The following RBM44 variants were observed in gnomAD, a reference collection of about 807,000 sequenced individuals.
RBM44 encodes the protein RNA-binding protein 44.
RBM44 carries 66 observed loss-of-function variants against 105.1 expected under a neutral mutation model. The observed-to-expected ratio is 0.63, with a 90% CI of 0.52 to 0.77. The LOEUF is 0.77. Among genes scored for constraint, RBM44 ranks in the 30% least tolerant of loss-of-function variants. RBM44 has a pLI of 0.00. For missense variants in RBM44, 1,122 were observed against 1,207.8 expected, an observed-to-expected ratio of 0.93 and a Z score of 1.05; for synonymous variants, 365 against 417.6, an observed-to-expected ratio of 0.87 and a Z score of 1.54.
intron 7 of RBM44, 145 bp downstream of exon 7, chr2:237,821,513 A>G: frequency 1.3e-6 from 1 of 761,146 alleles, no homozygotes; most frequent in Non-Finnish European, 2.1e-6. Flanking sequence ...GACATTTAAT[A>G]TTGTACAAAT....
chr2:237,829,400 C>G lies in RBM44; in HGVS notation c.2784C>G (p.Thr928=). ...GTTCGAATAATTTAGAGAAAAGCAC[C>G]AACAAACAAATCCACTCAGAATTCT... ...RISSNNLEKS[T]NKQIHSEFSI... The change falls in exon 13 of 16, where the codon ACC becomes ACG. Residue 928 remains threonine (T), a synonymous_variant. Transcript: ENST00000316997. 2 of 1,613,446 alleles carry G rather than the reference C, an allele frequency of 1.2e-6. No homozygotes were observed. The highest frequency in any genetic ancestry group is 1.7e-6 in the Non-Finnish European group (2 of 1,179,550).
intron 1 of RBM44, 121 bp from the exon 2 acceptor site, chr2:237,813,471 A>T: frequency 1.8e-6 from 1 of 553,974 alleles, no homozygotes; most frequent in Non-Finnish European, 3.2e-6. Flanking sequence ...GACCTAATGC[A>T]TTGGTTTTTT....
chr2:237,824,359 G>A lies in RBM44; in HGVS notation c.2389G>A (p.Val797Ile), dbSNP rs375369748. 2.3e-5 allele frequency: 37 copies of A among 1,612,478 alleles called. No homozygotes were observed. In the Admixed American group the frequency reaches 3.2e-4, roughly 14 times the overall value. ...DAKESLTGVD[V>I]SGTQGNQVEQ... is the part of the protein sequence containing the mutation. ...TAAAGAGAGCCTGACAGGAGTTGAC[G>A]TCTCAGGGACACAGGGAAATCAAGT... Residue 797 changes from valine (V) to isoleucine (I), a missense_variant, in exon 10 of 16, where the codon GTC becomes ATC. Physicochemically the swap from Val to Ile is conservative, Grantham distance 29. Coordinates refer to ENST00000316997, the MANE Select transcript of RBM44 (RefSeq NM_001080504.3).
At chr2:237,836,722 G>A (rs1268227907) in intron 15 of RBM44, among the ~76,000 whole-genome samples, 1 of 150,836 alleles carries the variant, frequency 6.6e-6, no homozygotes, top group African/African-American at 2.4e-5. Flanking sequence ...AGAGGTTGCA[G>A]TGAGCTGAGA....
chr2:237,829,205 C>G lies in RBM44; in HGVS notation c.2601-12C>G, dbSNP rs201922157. 3.0e-4 allele frequency: 479 copies of G among 1,588,452 alleles called. 2 individuals carry two copies. In the African/African-American group the frequency reaches 5.7e-3, roughly 19 times the overall value. On this transcript the variant is annotated splice_polypyrimidine_tract_variant and intron_variant, in intron 12 of 15. Coordinates refer to ENST00000316997, the MANE Select transcript of RBM44 (RefSeq NM_001080504.3). ...ATTAACAACCTTTTGGTTTTCTGCT[C>G]TTATGTTTTAGATATGCATCTCTTG... is the stretch of plus-strand genomic sequence containing the variant.
At chr2:237,815,131 C>G (rs547817333) in intron 2 of RBM44, among the ~76,000 whole-genome samples, 2 of 152,150 alleles carry the variant, frequency 1.3e-5, no homozygotes, top group Admixed American at 1.3e-4. Flanking sequence ...GGCAACATAG[C>G]AAGACCCTGT....
At chr2:237,822,280 AT>A (rs1167322268) in intron 8 of RBM44, among the ~76,000 whole-genome samples, 2 of 152,090 alleles carry the variant, frequency 1.3e-5, no homozygotes, top group Non-Finnish European at 2.9e-5. Context: ...GATGAAAATC[AT>A]TTTTAAATGC....
chr2:237,800,480 G>A (rs1318018702), intron 1 of RBM44, among the ~76,000 whole-genome samples: 1 of 152,186 alleles, frequency 6.6e-6, no homozygotes, highest in Non-Finnish European at 1.5e-5. Flanking sequence ...GCAGCACACT[G>A]CAGATTTCAT....
intron 1 of RBM44, among the ~76,000 whole-genome samples, chr2:237,801,114 T>A (rs2061541680): frequency 6.6e-6 from 1 of 152,012 alleles, no homozygotes; most frequent in Non-Finnish European, 1.5e-5. Flanking sequence ...GGTAGGTGGA[T>A]CCCTTGGGCT....
chr2:237,811,284 T>TC (rs1329827510), intron 1 of RBM44, among the ~76,000 whole-genome samples: 1 of 152,122 alleles, frequency 6.6e-6, no homozygotes, highest in African/African-American at 2.4e-5. Flanking sequence ...TTCTTTTTTT[T>TC]CCCCTTAATA....
chr2:237,813,687 G>GGGTCTAGTCCACTTACCCTTATTCTT lies in RBM44; in HGVS notation c.73+9_73+34dup, dbSNP rs779872397. On this transcript the variant is annotated splice_donor_region_variant and intron_variant, in intron 2 of 15. Coordinates refer to ENST00000316997, the MANE Select transcript of RBM44 (RefSeq NM_001080504.3). ...ATGGAGGCAACCTCCAAAAAGGTAA[G>GGGTCTAGTCCACTTACCCTTATTCTT]GGTCTAGTCCACTTACCCTTATTCT... 1 of 1,588,180 alleles carries GGGTCTAGTCCACTTACCCTTATTCTT rather than the reference G, an allele frequency of 6.3e-7. No individual in the cohort carries two copies. Among genetic ancestry groups the GGGTCTAGTCCACTTACCCTTATTCTT allele is most frequent in the Admixed American group, 1.7e-5 (1 of 59,936 alleles).
At position 237,838,093 on chromosome 2, in the gene RBM44, T is replaced by C. The variant is rs144883825; in HGVS notation, c.*22+3670T>C. ...TTCATTGTTGTCTTATTTTAAGAAG[T>C]TGCCACAGCCACTCCAGCCTTCAGC... On this transcript the variant is annotated intron_variant, in intron 15 of 15. Transcript: ENST00000316997. Among the ~76,000 whole-genome samples the C allele has an allele frequency of 5.9e-5, 9 of 152,294 alleles. No individual in the cohort carries two copies. In the East Asian group the frequency reaches 1.5e-3, roughly 26 times the overall value.
Position 237,821,751 on chromosome 2 carries a change from A to G in RBM44, c.2129A>G (p.Glu710Gly). Residue 710 changes from glutamate to glycine, a missense_variant, in exon 8 of 16, where the codon GAA becomes GGA. Transcript: ENST00000316997. The part of the protein sequence containing the change: ...LMKKETHVFS[E>G]ADAEQDNQRA... ...TGAAATGTTCTTTTTAGCTTTTCAG[A>G]AGCAGATGCTGAACAAGATAATCAG... 1.9e-6 allele frequency: 3 copies of G among 1,608,420 alleles called. No individual in the cohort carries two copies. The highest frequency in any genetic ancestry group is 2.6e-6 in the Non-Finnish European group (3 of 1,175,936).
At chr2:237,810,485 A>G (rs1348069411) in intron 1 of RBM44, among the ~76,000 whole-genome samples, 1 of 152,114 alleles carries the variant, frequency 6.6e-6, no homozygotes, top group Non-Finnish European at 1.5e-5. Flanking sequence ...CTTCTCTTTC[A>G]GTCATTTTTC....
At chr2:237,825,386 A>G (rs1235139210) in intron 10 of RBM44, among the ~76,000 whole-genome samples, 1 of 152,060 alleles carries the variant, frequency 6.6e-6, no homozygotes, top group African/African-American at 2.4e-5. Context: ...TTGTATCTTT[A>G]GTAGTGACGG....
At chr2:237,827,536 T>C in intron 12 of RBM44, 33 bp downstream of exon 12, 1 of 1,187,746 alleles carries the variant, frequency 8.4e-7, no homozygotes, top group Non-Finnish European at 1.2e-6. Flanking sequence ...ATGTGCATTA[T>C]TATGTGTCTG....
At chr2:237,800,143 G>GTTGTTA (rs1189852899) in intron 1 of RBM44, among the ~76,000 whole-genome samples, 2 of 151,720 alleles carry the variant, frequency 1.3e-5, no homozygotes, top group Non-Finnish European at 2.9e-5. Flanking sequence ...GCTCAACACT[G>GTTGTTA]TTGTTACTGT....
At chr2:237,827,407 A>G (rs1370876494) in intron 11 of RBM44, 26 bp from the exon 12 acceptor site, 1 of 1,486,830 alleles carries the variant, frequency 6.7e-7, no homozygotes, top group South Asian at 1.3e-5. Flanking sequence ...TCTACCTTTC[A>G]CAAACTTTTA....
At position 237,834,095 on chromosome 2, in the gene RBM44, T is replaced by C. The variant is rs1207352678; in HGVS notation, c.2985T>C (p.Phe995=). Residue 995 remains phenylalanine (F), a synonymous_variant, in exon 14 of 16, where the codon TTT becomes TTC. Coordinates refer to ENST00000316997, the MANE Select transcript of RBM44 (RefSeq NM_001080504.3). ...CAAATACATTGAACCTTCGTAGCTT[T>C]ACCAAGATCATAAAGAGACTGGCTG... is the stretch of plus-strand genomic sequence containing the variant. ...IPPNTLNLRS[F]TKIIKRLAEL... is the part of the protein sequence containing the mutation. 1.9e-6 allele frequency: 3 copies of C among 1,583,408 alleles called. No homozygotes were observed. The South Asian group carries it at 3.5e-5, about 18-fold the overall frequency.
Sources: gnomAD v4.1 joint callset for allele counts (sites outside exome capture counted in the v4.1 genomes callset) on GRCh38, gnomAD v4.1.1 for gene constraint, MANE v1.5 for transcripts, NCBI Gene and HGNC (gene_info 2026-07-23, HGNC 2026-07-21) for gene names.